MICALL1: variants seen among roughly 807,000 people sequenced by gnomAD.
MICALL1 encodes MICAL-like protein 1.
MICALL1 carries 61 observed loss-of-function variants against 83.7 expected under a neutral mutation model. The ratio of observed to expected loss-of-function variants is 0.73; its 90% CI spans 0.59 to 0.90. The LOEUF is 0.90. Ranked by LOEUF, MICALL1 falls within the 40% of genes least tolerant of loss-of-function variation. MICALL1 has a pLI of 0.00. For missense variants in MICALL1, 1,066 were observed against 1,152.0 expected (o/e 0.93, Z 1.08); for synonymous variants, 481 against 473.6 (o/e 1.02, Z -0.20).
At chr22:37,919,528 C>T (rs571047578) in intron 5 of MICALL1, among the ~76,000 whole-genome samples, 4 of 150,382 alleles carry the variant, frequency 2.7e-5, no homozygotes, top group East Asian at 2.0e-4. Flanking sequence ...CCCAGCTACT[C>T]GAGAGGCTGA....
rs149289465 is a variant in MICALL1 at position 37,922,071 on chromosome 22, G to A, written c.669G>A (p.Pro223=). 39 of 1,613,270 alleles carry A rather than the reference G, an allele frequency of 2.4e-5. No individual in the cohort carries two copies. Among genetic ancestry groups the A allele is most frequent in the African/African-American group, 1.9e-4 (14 of 74,906 alleles). Residue 223 remains proline, a synonymous_variant, in exon 6 of 16, where the codon CCG becomes CCA. Transcript: ENST00000215957. The part of the protein sequence containing the change: ...VCAEHCARLG[P]GTRSGTRPGP... Reference sequence around the variant, plus strand: ...CAGAACACTGTGCCAGGCTGGGCCCGGGGACACGGTCGGGGACCAGGCCTG... The same window carrying A: ...CAGAACACTGTGCCAGGCTGGGCCCAGGGACACGGTCGGGGACCAGGCCTG...
chr22:37,908,215 C>A (rs1387725420), intron 1 of MICALL1, among the ~76,000 whole-genome samples: 1 of 151,842 alleles, frequency 6.6e-6, no homozygotes, highest in Non-Finnish European at 1.5e-5. Flanking sequence ...TGACACAGCT[C>A]ACAGAAATGT....
chr22:37,941,007 GA>G lies in MICALL1; in HGVS notation c.*179del, dbSNP rs1930407312. On this transcript the variant is annotated 3_prime_UTR_variant, in exon 16 of 16. Coordinates refer to ENST00000215957, the MANE Select transcript of MICALL1 (RefSeq NM_033386.4). ...GGACCTCTGACTGCTCTGGGCCAAA[GA>G]ATCTCTTGTTTCTTCTCCGAGCCCC... is the stretch of plus-strand genomic sequence containing the variant. The G allele has an allele frequency of 1.4e-6, 1 of 727,668 alleles. No homozygotes were observed. The highest frequency in any genetic ancestry group is 2.2e-6 in the Non-Finnish European group (1 of 463,400). 45.1% of individuals were successfully genotyped at this position (727,668 alleles called of 1,614,324 possible). A position where few individuals can be genotyped will look rare whatever the true frequency, so the allele number is the denominator to read the frequency against.
rs531196841 is a variant in MICALL1, at chr22:37,935,362, G to A, written c.2309-1718G>A. 1.3e-4 allele frequency among the ~76,000 whole-genome samples: 19 copies of A among 150,440 alleles called. No individual in the cohort carries two copies. In the South Asian group the frequency reaches 1.3e-3, roughly 10 times the overall value. On this transcript the variant is annotated intron_variant, in intron 13 of 15. Coordinates refer to ENST00000215957, the MANE Select transcript of MICALL1 (RefSeq NM_033386.4). ...TGCACGCTCCGCCTCCTGGGTTTAC[G>A]CCATTCTCCTGCCTCAGCCTCCCGT...
In MICALL1 at chr22:37,919,185, G is replaced by A; in HGVS notation, c.569+7G>A. ...ACCATCGCCACTGCTTCCGGTGAGT[G>A]GCCAGGGCCGCGTGTTACCCCCGAA... On this transcript the variant is annotated splice_region_variant and intron_variant, in intron 5 of 15. Transcript: ENST00000215957. 1 of 1,521,602 alleles carries A rather than the reference G, an allele frequency of 6.6e-7. No individual in the cohort carries two copies. The highest frequency in any genetic ancestry group is 8.9e-7 in the Non-Finnish European group (1 of 1,127,188). The allele number at this position is 1,521,602 out of a possible 1,614,324, so 94.3% of individuals were successfully genotyped here.
intron 4 of MICALL1, 103 bp downstream of exon 4, chr22:37,917,898 GAC>G: frequency 9.5e-7 from 1 of 1,047,124 alleles, no homozygotes. Flanking sequence ...AGTTAGCCCT[GAC>G]AGTGTTCAGA....
intron 6 of MICALL1, 64 bp downstream of exon 6, chr22:37,922,490 G>A: frequency 7.7e-7 from 1 of 1,296,478 alleles, no homozygotes; most frequent in Non-Finnish European, 1.0e-6. Context: ...TGAAAAGTCT[G>A]TGTGTCTGGG....
chr22:37,908,121 C>G (rs1404972085), intron 1 of MICALL1, among the ~76,000 whole-genome samples: 1 of 152,008 alleles, frequency 6.6e-6, no homozygotes, highest in Non-Finnish European at 1.5e-5. Flanking sequence ...TTTAGCTTCT[C>G]CATGTCTTAG....
chr22:37,940,876 C>T lies in MICALL1; in HGVS notation c.*46C>T. ...GGACTGCCCCCTCCTGGAGCAGCTC[C>T]TGGGCTGTGCTCTGTTTGAAGGGGG... On this transcript the variant is annotated 3_prime_UTR_variant, in exon 16 of 16. Coordinates refer to ENST00000215957, the MANE Select transcript of MICALL1 (RefSeq NM_033386.4). 1 of 1,609,404 alleles carries T rather than the reference C, an allele frequency of 6.2e-7. No homozygotes were observed. Among genetic ancestry groups the T allele is most frequent in the South Asian group, 1.1e-5 (1 of 90,642 alleles).
chr22:37,929,726 T>A (rs1166472072), intron 9 of MICALL1, among the ~76,000 whole-genome samples: 1 of 152,184 alleles, frequency 6.6e-6, no homozygotes, highest in Admixed American at 6.5e-5. Flanking sequence ...GGGCACCCAG[T>A]TCATGAGGGC....
rs975587134 is a variant in MICALL1, at chr22:37,906,601, CG to C, written c.146+37del. 11 of 1,105,634 alleles carry C rather than the reference CG, an allele frequency of 9.9e-6. No homozygotes were observed. The highest frequency in any genetic ancestry group is 1.7e-5 in the African/African-American group (1 of 59,300). 68.5% of individuals were successfully genotyped at this position (1,105,634 alleles called of 1,614,324 possible). ...CGGGGCCCCGGGCGAGCGGGCGGCG[CG>C]GGGCGGGCTGGGGCCGCGACCGCCG... On this transcript the variant is annotated intron_variant, in intron 1 of 15. Coordinates refer to ENST00000215957, the MANE Select transcript of MICALL1 (RefSeq NM_033386.4). The surrounding 1 kb of genome is among the most constrained non-coding windows in gnomAD (Gnocchi z 4.4).
chr22:37,938,079 C>T (rs1371946802), intron 15 of MICALL1, among the ~76,000 whole-genome samples: 1 of 152,132 alleles, frequency 6.6e-6, no homozygotes, highest in Non-Finnish European at 1.5e-5. Flanking sequence ...TTGCCCTCAG[C>T]TGTGCATTCC....
intron 3 of MICALL1, among the ~76,000 whole-genome samples, chr22:37,913,642 T>C (rs1928479960): frequency 6.6e-6 from 1 of 152,138 alleles, no homozygotes; most frequent in South Asian, 2.1e-4. Flanking sequence ...GGCATTCCCA[T>C]GCAAGGACCT....
chr22:37,934,910 ATTTT>A (rs2145947820), intron 13 of MICALL1, among the ~76,000 whole-genome samples: 2 of 138,978 alleles, frequency 1.4e-5, no homozygotes, highest in Admixed American at 1.5e-4. Flanking sequence ...TTATTTATTT[ATTTT>A]ATTTTATTTA....
chr22:37,908,235 A>G (rs1431677383), intron 1 of MICALL1, among the ~76,000 whole-genome samples: 1 of 152,082 alleles, frequency 6.6e-6, no homozygotes, highest in Non-Finnish European at 1.5e-5. Flanking sequence ...TGAGGATTGC[A>G]TGAGATAACA....
In MICALL1 at chr22:37,932,473, G is replaced by A. The variant is rs942841163; in HGVS notation, c.2017-80G>A. ...GGCCCGGGCCCTGGAGCCACCAGTG[G>A]CCAATGCTGGCCAGAGAAGAGGGCA... On this transcript the variant is annotated intron_variant, in intron 10 of 15. Coordinates refer to ENST00000215957, the MANE Select transcript of MICALL1 (RefSeq NM_033386.4). This position sits in a 1 kb window ranked among gnomAD's most constrained non-coding sequence, Gnocchi z 4.4. The A allele has an allele frequency of 2.5e-6, 4 of 1,576,872 alleles. No individual in the cohort carries two copies. In the African/African-American group the frequency reaches 5.4e-5, roughly 21 times the overall value.
chr22:37,919,805 G>A (rs1280312055), intron 5 of MICALL1, among the ~76,000 whole-genome samples: 2 of 151,814 alleles, frequency 1.3e-5, no homozygotes, highest in African/African-American at 2.4e-5. Flanking sequence ...CCTGATCAAC[G>A]TGGTGAAACC....
Position 37,919,043 on chromosome 22 carries a change from AGC to A in MICALL1, c.435_436del (p.Glu145AspfsTer35). ...CCACCTCGTTCTCTGCAGGGCGAGGAGCTCTCCTCAGGCAGCCTGTCAGAGCA... is the reference window on the plus strand; with the variant it reads ...CCACCTCGTTCTCTGCAGGGCGAGGATCTCCTCAGGCAGCCTGTCAGAGCA... On this transcript the variant is annotated frameshift_variant, in exon 5 of 16. Transcript: ENST00000215957. LOFTEE classifies it high-confidence loss of function. The A allele has an allele frequency of 6.5e-7, 1 of 1,550,280 alleles. No individual in the cohort carries two copies. Among genetic ancestry groups the A allele is most frequent in the Non-Finnish European group, 8.7e-7 (1 of 1,146,436 alleles).
chr22:37,934,122 C>A lies in MICALL1; in HGVS notation c.2308+1010C>A, dbSNP rs1929952019. 4.6e-5 allele frequency among the ~76,000 whole-genome samples: 7 copies of A among 152,250 alleles called. No homozygotes were observed. The South Asian group carries it at 1.4e-3, about 31-fold the overall frequency. On this transcript the variant is annotated intron_variant, in intron 13 of 15. Coordinates refer to ENST00000215957, the MANE Select transcript of MICALL1 (RefSeq NM_033386.4). ...AGAGCGGGCACGGCTCCTCTGCCTCCCTGGCTAGCCCGGCCCCAGGGCTTA... is the reference window on the plus strand; with the variant it reads ...AGAGCGGGCACGGCTCCTCTGCCTCACTGGCTAGCCCGGCCCCAGGGCTTA...
Sources: gnomAD v4.1 joint callset for allele counts (sites outside exome capture counted in the v4.1 genomes callset) on GRCh38, gnomAD v4.1.1 for gene constraint, Gnocchi (gnomAD v3.1) non-coding constraint, MANE v1.5 for transcripts, NCBI Gene and HGNC (gene_info 2026-07-23, HGNC 2026-07-21) for gene names.